Variants in TTC9 observed in about 807,000 individuals in gnomAD.
The protein encoded by TTC9 is tetratricopeptide repeat protein 9A.
A neutral mutation model predicts 22.9 loss-of-function variants in TTC9; 13 were observed. The ratio of observed to expected loss-of-function variants is 0.57; its 90% CI spans 0.37 to 0.90. TTC9 has a LOEUF of 0.90. TTC9 is among the 40% of genes least tolerant of loss of function. TTC9 has a pLI of 0.01. For missense variants in TTC9, 280 were observed against 291.8 expected (o/e 0.96, Z 0.29); for synonymous variants, 148 against 133.2 (o/e 1.11, Z -0.77).
At position 70,666,007 on chromosome 14, in the gene TTC9, T is replaced by C. The variant is rs1886210206; in HGVS notation, c.407-1557T>C. Among the ~76,000 whole-genome samples the C allele has an allele frequency of 3.3e-5, 5 of 152,092 alleles. No homozygotes were observed. In the South Asian group the frequency reaches 1.0e-3, roughly 32 times the overall value. Reference sequence around the variant, plus strand: ...TATTTGCTTTGAAGAAGCAGACAGGTGCCTTTTTCCTGTCTCTTTTTTTGT... The same window carrying C: ...TATTTGCTTTGAAGAAGCAGACAGGCGCCTTTTTCCTGTCTCTTTTTTTGT... On this transcript the variant is annotated intron_variant, in intron 1 of 2. Coordinates refer to ENST00000256367, the MANE Select transcript of TTC9 (RefSeq NM_015351.2).
chr14:70,660,647 T>C (rs1393312054), intron 1 of TTC9, among the ~76,000 whole-genome samples: 1 of 152,132 alleles, frequency 6.6e-6, no homozygotes, highest in Non-Finnish European at 1.5e-5. Flanking sequence ...TGCTAGTGAG[T>C]GGCAGAGCTC....
chr14:70,673,548 C>G lies in TTC9; in HGVS notation c.*2393C>G, dbSNP rs951428912. On this transcript the variant is annotated 3_prime_UTR_variant, in exon 3 of 3. Transcript: ENST00000256367. ...CCCAAAACTACCCTATGGCCCCACA[C>G]GGGAATGTGTTCAAACGCCCCGACC... The G allele has an allele frequency of 2.6e-5, 4 of 152,232 alleles. No homozygotes were observed. Among genetic ancestry groups the G allele is most frequent in the Admixed American group, 2.0e-4 (3 of 15,274 alleles). 9.4% of individuals were successfully genotyped at this position (152,232 alleles called of 1,614,324 possible). A position where few individuals can be genotyped will look rare whatever the true frequency, so the allele number is the denominator to read the frequency against.
chr14:70,656,643 A>G (rs1046658683), intron 1 of TTC9, among the ~76,000 whole-genome samples: 4 of 152,248 alleles, frequency 2.6e-5, no homozygotes, highest in African/African-American at 9.6e-5. Flanking sequence ...AGAACAGGAT[A>G]GAACTCTGGC....
intron 1 of TTC9, among the ~76,000 whole-genome samples, chr14:70,656,210 T>TACACACACACACACACACAC (rs34334641): frequency 6.8e-6 from 1 of 147,910 alleles, no homozygotes; most frequent in Non-Finnish European, 1.5e-5. Flanking sequence ...TTCACCCTGA[T>TACACACACACACACACACAC]ACACACACAC....
Position 70,642,284 on chromosome 14 carries a change from A to G in TTC9, c.155A>G (p.Glu52Gly), listed in dbSNP as rs1032433361. 1 of 1,523,200 alleles carries G rather than the reference A, an allele frequency of 6.6e-7. No individual in the cohort carries two copies. The highest frequency in any genetic ancestry group is 1.4e-5 in the African/African-American group (1 of 69,044). 94.4% of individuals were successfully genotyped at this position (1,523,200 alleles called of 1,614,324 possible). ...GQVGAAAEPA[E>G]LIRRAHEFKS... ...GTCGGGGCGGCGGCCGAGCCGGCCGAGCTCATCCGACGAGCGCACGAGTTC... is the reference window on the plus strand; with the variant it reads ...GTCGGGGCGGCGGCCGAGCCGGCCGGGCTCATCCGACGAGCGCACGAGTTC... The change falls in exon 1 of 3, where the codon GAG (glutamate) becomes GGG (glycine). Residue 52 changes from glutamate to glycine, a missense_variant. This residue lies in a region of TTC9 where 165 missense variants were observed against 145.4 expected (regional missense o/e 1.14). Transcript: ENST00000256367.
chr14:70,648,333 C>A (rs1885932671), intron 1 of TTC9, among the ~76,000 whole-genome samples: 1 of 152,158 alleles, frequency 6.6e-6, no homozygotes, highest in Non-Finnish European at 1.5e-5. Context: ...AAGGAAGGTA[C>A]TGGGAAGAAC....
chr14:70,663,470 A>G (rs1886171584), intron 1 of TTC9, among the ~76,000 whole-genome samples: 1 of 152,218 alleles, frequency 6.6e-6, no homozygotes, highest in South Asian at 2.1e-4. Context: ...ATGTAACAAA[A>G]AATCATCTAG....
intron 1 of TTC9, among the ~76,000 whole-genome samples, chr14:70,656,650 T>C (rs1468662032): frequency 6.6e-6 from 1 of 152,238 alleles, no homozygotes; most frequent in Non-Finnish European, 1.5e-5. Flanking sequence ...GATAGAACTC[T>C]GGCTTCTAAG....
intron 1 of TTC9, among the ~76,000 whole-genome samples, chr14:70,654,465 C>T (rs1017538069): frequency 6.6e-6 from 1 of 151,358 alleles, no homozygotes; most frequent in Non-Finnish European, 1.5e-5. Context: ...GCGGTATATG[C>T]TTGTAGTCCC....
intron 1 of TTC9, among the ~76,000 whole-genome samples, chr14:70,663,209 G>A (rs1195910975): frequency 6.6e-6 from 1 of 152,072 alleles, no homozygotes; most frequent in East Asian, 1.9e-4. Flanking sequence ...CTCCAACCTG[G>A]CATGCATGGC....
At chr14:70,661,752 C>T (rs1323125617) in intron 1 of TTC9, among the ~76,000 whole-genome samples, 1 of 152,138 alleles carries the variant, frequency 6.6e-6, no homozygotes, top group African/African-American at 2.4e-5. Context: ...GTCGCGGGGG[C>T]TCTTTGAGTA....
chr14:70,654,684 C>T (rs1886035982), intron 1 of TTC9, among the ~76,000 whole-genome samples: 1 of 146,578 alleles, frequency 6.8e-6, no homozygotes, highest in Non-Finnish European at 1.5e-5. Flanking sequence ...AGAAAAACCT[C>T]AGACAAATTA....
At chr14:70,669,580 CTTT>C (rs796679950) in intron 2 of TTC9, among the ~76,000 whole-genome samples, 1 of 138,374 alleles carries the variant, frequency 7.2e-6, no homozygotes, top group Non-Finnish European at 1.6e-5. Context: ...CACACCCAGC[CTTT>C]TTTTTTTTTT....
intron 1 of TTC9, among the ~76,000 whole-genome samples, chr14:70,666,415 GC>G (rs1378428513): frequency 2.6e-5 from 4 of 152,170 alleles, no homozygotes; most frequent in Non-Finnish European, 4.4e-5. Flanking sequence ...CTACCAGAAA[GC>G]CCCCTCTCTC....
At position 70,675,137 on chromosome 14, in the gene TTC9, T is replaced by C. The variant is rs1886350858; in HGVS notation, c.*3982T>C. The stretch of plus-strand genomic sequence containing the variant: ...ATAGTATGTCAATGTTATTTTAACT[T>C]TCTTTGATTCTTCGCGAATAACATT... On this transcript the variant is annotated 3_prime_UTR_variant, in exon 3 of 3. Coordinates refer to ENST00000256367, the MANE Select transcript of TTC9 (RefSeq NM_015351.2). 1 of 152,210 alleles carries C rather than the reference T, an allele frequency of 6.6e-6. No homozygotes were observed. The highest frequency in any genetic ancestry group is 2.4e-5 in the African/African-American group (1 of 41,442). 9.4% of individuals were successfully genotyped at this position (152,210 alleles called of 1,614,324 possible).
chr14:70,642,720 T>A (rs1423827361), intron 1 of TTC9, among the ~76,000 whole-genome samples, 185 bp downstream of exon 1: 1 of 152,232 alleles, frequency 6.6e-6, no homozygotes, highest in African/African-American at 2.4e-5. Context: ...AAGGCCATAA[T>A]CATCTCTTGT....
chr14:70,642,369 C>T lies in TTC9; in HGVS notation c.240C>T (p.Tyr80=), dbSNP rs1885829665. ...AATTCCGTGAAGCCATAGGCAAATA[C>T]CACCGGGCGTTGCTGGAGCTGAAGG... ...DKKFREAIGK[Y]HRALLELKGL... The change falls in exon 1 of 3, where the codon TAC becomes TAT. Residue 80 remains tyrosine, a synonymous_variant. Coordinates refer to ENST00000256367, the MANE Select transcript of TTC9 (RefSeq NM_015351.2). 1.2e-6 allele frequency: 2 copies of T among 1,605,404 alleles called. No homozygotes were observed. The highest frequency in any genetic ancestry group is 8.5e-7 in the Non-Finnish European group (1 of 1,176,614).
rs978588816 is a variant in TTC9 at position 70,675,160 on chromosome 14, A to G, written c.*4005A>G. The stretch of plus-strand genomic sequence containing the variant: ...CTTTCTTTGATTCTTCGCGAATAAC[A>G]TTTTCATATGCTTATTGACCATTTG... On this transcript the variant is annotated 3_prime_UTR_variant, in exon 3 of 3. Transcript: ENST00000256367. The G allele has an allele frequency of 6.6e-6, 1 of 151,986 alleles. No individual in the cohort carries two copies. Among genetic ancestry groups the G allele is most frequent in the African/African-American group, 2.4e-5 (1 of 41,364 alleles). 9.4% of individuals were successfully genotyped at this position (151,986 alleles called of 1,614,324 possible).
In TTC9 at chr14:70,672,179, C is replaced by T. The variant is rs1886306995; in HGVS notation, c.*1024C>T. The T allele has an allele frequency of 6.6e-6, 1 of 152,236 alleles. No individual in the cohort carries two copies. The highest frequency in any genetic ancestry group is 2.1e-4 in the South Asian group (1 of 4,830). The allele number at this position is 152,236 out of a possible 1,614,324, so 9.4% of individuals were successfully genotyped here. On this transcript the variant is annotated 3_prime_UTR_variant, in exon 3 of 3. Coordinates refer to ENST00000256367, the MANE Select transcript of TTC9 (RefSeq NM_015351.2). ...AGTGGCAGACAATGGTGGCTACAGCCTTTGTGCTTTTAAGAGTGGGCTGGG... is the reference window on the plus strand; with the variant it reads ...AGTGGCAGACAATGGTGGCTACAGCTTTTGTGCTTTTAAGAGTGGGCTGGG...
Sources: gnomAD v4.1 joint callset for allele counts (sites outside exome capture counted in the v4.1 genomes callset) on GRCh38, gnomAD v4.1.1 for gene constraint, gnomAD v4.1.1 regional missense constraint, MANE v1.5 for transcripts, NCBI Gene and HGNC (gene_info 2026-07-23, HGNC 2026-07-21) for gene names.